The following ARHGEF18 variants were observed in gnomAD, a reference collection of about 807,000 sequenced individuals.
ARHGEF18 encodes rho guanine nucleotide exchange factor 18.
ARHGEF18 carries 93 observed loss-of-function variants against 155.7 expected under a neutral mutation model. The ratio of observed to expected loss-of-function variants is 0.60; its 90% CI spans 0.50 to 0.71. The LOEUF (loss-of-function observed/expected upper bound fraction) is 0.71. Ranked by LOEUF, ARHGEF18 falls within the 30% of genes least tolerant of loss-of-function variation. The pLI is 0.00. For synonymous variants in ARHGEF18, 742 were observed against 753.1 expected, an observed-to-expected ratio of 0.99 and a Z score of 0.24; for missense variants, 1,593 against 1,816.1, an observed-to-expected ratio of 0.88 and a Z score of 2.23.
chr19:7,449,177 A>G (rs938962178), intron 15 of ARHGEF18, among the ~76,000 whole-genome samples: 12 of 152,036 alleles, frequency 7.9e-5, no homozygotes, highest in Non-Finnish European at 1.5e-5. Flanking sequence ...GCATCCCTCA[A>G]ATGCATACAA....
chr19:7,439,883 T>C, intron 10 of ARHGEF18: 1 of 1,449,844 alleles, frequency 6.9e-7, no homozygotes, highest in Non-Finnish European at 9.1e-7. Flanking sequence ...CTGGAGGGGT[T>C]GTTTTTTTTT....
At chr19:7,479,947 A>C in the ARHGEF18 span, among the ~76,000 whole-genome samples, 3 of 152,162 alleles carry the variant, frequency 2.0e-5, no homozygotes, top group African/African-American at 7.2e-5. Context: ...CAATTTTGCC[A>C]TGAGCCTAAA....
intron 15 of ARHGEF18, among the ~76,000 whole-genome samples, chr19:7,449,059 C>T (rs1376036548): frequency 6.6e-6 from 1 of 152,038 alleles, no homozygotes. Flanking sequence ...GTTTTGGAGC[C>T]GCAGTTCCTC....
chr19:7,472,917 G>C (rs1187720899), downstream of ARHGEF18: 1 of 451,120 alleles, frequency 2.2e-6, no homozygotes, highest in African/African-American at 2.0e-5. Flanking sequence ...GGCGAGGCTG[G>C]TCTCGAACTC....
chr19:7,457,209 A>G (rs1040356168), intron 18 of ARHGEF18, among the ~76,000 whole-genome samples: 56 of 152,216 alleles, frequency 3.7e-4, no homozygotes, highest in Admixed American at 2.0e-4. Context: ...GCTTGTAGGC[A>G]GCCATGTGCT....
chr19:7,441,560 A>G (rs1974644416), intron 11 of ARHGEF18, 93 bp from the exon 12 acceptor site: 3 of 898,462 alleles, frequency 3.3e-6, no homozygotes, highest in African/African-American at 3.3e-5. Flanking sequence ...AGAGTATCGA[A>G]TCGGATGGAG....
chr19:7,395,075 C>A lies in ARHGEF18; in HGVS notation c.967+11872C>A. On this transcript the variant is annotated intron_variant, in intron 10 of 28. Transcript: ENST00000668164. This position sits in a 1 kb window ranked among gnomAD's most constrained non-coding sequence, Gnocchi z 5.0. ...GCCTCCTTCCGGGTCACGCCCTCTG[C>A]CCCGCCTCCGAGGCGGGATCGCGCA... is the stretch of plus-strand genomic sequence containing the variant. 1 of 985,516 alleles carries A rather than the reference C, an allele frequency of 1.0e-6. No homozygotes were observed. Among genetic ancestry groups the A allele is most frequent in the Non-Finnish European group, 1.2e-6 (1 of 829,966 alleles). The allele number at this position is 985,516 out of a possible 1,614,324, so 61.0% of individuals were successfully genotyped here. A position where few individuals can be genotyped will look rare whatever the true frequency, so the allele number is the denominator to read the frequency against.
At chr19:7,405,855 C>G (rs1972274791) in intron 10 of ARHGEF18, among the ~76,000 whole-genome samples, 1 of 143,654 alleles carries the variant, frequency 7.0e-6, no homozygotes, top group Non-Finnish European at 1.5e-5. Context: ...CTCTTGGGCT[C>G]AAGGGATCCT....
intron 4 of ARHGEF18, 146 bp downstream of exon 4, chr19:7,376,016 G>A (rs929170517): frequency 5.2e-6 from 5 of 955,062 alleles, no homozygotes; most frequent in Non-Finnish European, 6.8e-6. Flanking sequence ...GGTGTGGCCC[G>A]TGCCTCAGTT....
intron 10 of ARHGEF18, among the ~76,000 whole-genome samples, chr19:7,425,995 G>A (rs1973641154): frequency 6.6e-6 from 1 of 151,758 alleles, no homozygotes; most frequent in Admixed American, 6.6e-5. Flanking sequence ...GTGAGACCCT[G>A]TCTCAAAAAT....
intron 10 of ARHGEF18, among the ~76,000 whole-genome samples, chr19:7,384,932 C>T (rs181814272): frequency 3.1e-4 from 47 of 152,224 alleles, no homozygotes; most frequent in Admixed American, 1.8e-3. Flanking sequence ...TGGACTCAAG[C>T]GATCCTCCCG....
intron 5 of ARHGEF18, among the ~76,000 whole-genome samples, chr19:7,377,855 C>A (rs1302915307): frequency 6.6e-6 from 1 of 151,428 alleles, no homozygotes; most frequent in Non-Finnish European, 1.5e-5. Context: ...GAGGCCGAGG[C>A]AGGTGGATCA....
rs146585596 is a variant in ARHGEF18 at position 7,374,200 on chromosome 19, G to A, written c.275+1129G>A. ...GCGCTCACCTTCTGCTTTGCAGCCC[G>A]GATTCTAAAAGGTCACAGACTAGTA... is the stretch of plus-strand genomic sequence containing the variant. On this transcript the variant is annotated intron_variant, in intron 3 of 28. Transcript: ENST00000668164. 3.1e-4 allele frequency among the ~76,000 whole-genome samples: 47 copies of A among 152,168 alleles called. No individual in the cohort carries two copies. The East Asian group carries it at 7.2e-3, about 23-fold the overall frequency.
chr19:7,407,835 G>T (rs985500056), intron 10 of ARHGEF18, among the ~76,000 whole-genome samples: 5 of 151,728 alleles, frequency 3.3e-5, no homozygotes, highest in African/African-American at 1.2e-4. Flanking sequence ...TGGTGGCCGC[G>T]CCTGGAGTCC....
chr19:7,419,534 C>T (rs527296903), intron 10 of ARHGEF18, among the ~76,000 whole-genome samples: 1 of 152,160 alleles, frequency 6.6e-6, no homozygotes, highest in Admixed American at 6.5e-5. Flanking sequence ...TCAGAAGGAC[C>T]CCTCTCTCCC....
At chr19:7,475,730 A>C (rs889670581), downstream of ARHGEF18, among the ~76,000 whole-genome samples, 1 of 152,172 alleles carries the variant, frequency 6.6e-6, no homozygotes, top group Admixed American at 6.5e-5. Flanking sequence ...CCAGGTGGTC[A>C]TGTGGCTTCC....
At chr19:7,474,297 G>A (rs1414677661), downstream of ARHGEF18, among the ~76,000 whole-genome samples, 4 of 151,476 alleles carry the variant, frequency 2.6e-5, no homozygotes, top group African/African-American at 4.9e-5. Flanking sequence ...GAGACTGCAC[G>A]ATTGCACTCC....
chr19:7,432,757 C>G (rs115609148), intron 10 of ARHGEF18, among the ~76,000 whole-genome samples: 6,009 of 152,288 alleles, frequency 0.039, 379 homozygotes, highest in African/African-American at 0.13. Context: ...TAGGAATCTG[C>G]AATTTAAGAC....
intron 5 of ARHGEF18, 52 bp downstream of exon 5, chr19:7,376,809 C>T (rs1970480999): frequency 8.6e-7 from 1 of 1,168,810 alleles, no homozygotes; most frequent in South Asian, 4.3e-5. Context: ...GAAAGAGGAG[C>T]CTGGCCAACA....
Sources: gnomAD v4.1 joint callset for allele counts (sites outside exome capture counted in the v4.1 genomes callset) on GRCh38, gnomAD v4.1.1 for gene constraint, Gnocchi (gnomAD v3.1) non-coding constraint, MANE v1.5 for transcripts, NCBI Gene and HGNC (gene_info 2026-07-23, HGNC 2026-07-21) for gene names.